PRPF18: variants seen among roughly 807,000 people sequenced by gnomAD.
PRPF18 encodes pre-mRNA processing factor 18, also known as pre-mRNA-splicing factor 18.
Under a neutral mutation model 46.5 loss-of-function variants are expected in PRPF18, and 38 were observed. The ratio of observed to expected loss-of-function variants is 0.82; its 90% CI spans 0.63 to 1.07. The LOEUF is 1.07. Among genes scored for constraint, PRPF18 ranks in the 50% least tolerant of loss-of-function variants. The pLI is 0.00. For missense variants in PRPF18, 263 were observed against 410.0 expected (o/e 0.64, Z 3.10); for synonymous variants, 152 against 146.7 (o/e 1.04, Z -0.26).
chr10:13,597,567 C>T (rs1287655229), intron 2 of PRPF18, 32 bp downstream of exon 2: 2 of 1,597,440 alleles, frequency 1.3e-6, no homozygotes, highest in East Asian at 2.2e-5. Context: ...TTAAATTGTA[C>T]ATTTCTGAGT....
At chr10:13,611,489 C>A in intron 5 of PRPF18, 126 bp from the exon 6 acceptor site, 1 of 725,158 alleles carries the variant, frequency 1.4e-6, no homozygotes. Flanking sequence ...GAAATTCCAT[C>A]CGATTTTTAA....
chr10:13,609,945 A>T (rs940353938), intron 4 of PRPF18, 94 bp from the exon 5 acceptor site: 1 of 1,345,032 alleles, frequency 7.4e-7, no homozygotes, highest in Non-Finnish European at 1.0e-6. Context: ...TGTGGGGGAA[A>T]AAATATTTGC....
At chr10:13,637,630 G>A in the PRPF18 span, among the ~76,000 whole-genome samples, 1 of 152,070 alleles carries the variant, frequency 6.6e-6, no homozygotes, top group Admixed American at 6.6e-5. Flanking sequence ...TTTGTGCCAG[G>A]TTACCTTTTA....
intron 5 of PRPF18, among the ~76,000 whole-genome samples, chr10:13,611,169 T>C (rs2080263086): frequency 6.6e-6 from 1 of 150,684 alleles, no homozygotes; most frequent in Admixed American, 6.6e-5. Flanking sequence ...ATAATTGGTA[T>C]GGGCAACCAG....
chr10:13,597,487 G>A lies in PRPF18; in HGVS notation c.96G>A (p.Glu32=). Residue 32 remains glutamate, a synonymous_variant, in exon 2 of 10, where the codon GAG becomes GAA. Coordinates refer to ENST00000378572, the MANE Select transcript of PRPF18 (RefSeq NM_003675.4). ...ATAAAAAATATTTCAAGCGTAGTGAGCTCGCCAAAAAAGAAGAGGAAGCAT... is the reference window on the plus strand; with the variant it reads ...ATAAAAAATATTTCAAGCGTAGTGAACTCGCCAAAAAAGAAGAGGAAGCAT... ...VENKKYFKRS[E]LAKKEEEAYF... 1 of 1,609,038 alleles carries A rather than the reference G, an allele frequency of 6.2e-7. No homozygotes were observed. Among genetic ancestry groups the A allele is most frequent in the Non-Finnish European group, 8.5e-7 (1 of 1,177,666 alleles).
the PRPF18 span, chr10:13,641,532 C>T: frequency 6.6e-6 from 1 of 152,030 alleles, no homozygotes; most frequent in Admixed American, 6.5e-5. Context: ...GAATAATTGT[C>T]AATAATAAAG....
rs528721137 is a variant in PRPF18, at chr10:13,622,902, A to G, written c.948+6349A>G. Among the ~76,000 whole-genome samples the G allele has an allele frequency of 1.3e-4, 20 of 152,286 alleles. No individual in the cohort carries two copies. The South Asian group carries it at 4.1e-3, about 32-fold the overall frequency. On this transcript the variant is annotated intron_variant, in intron 9 of 9. Coordinates refer to ENST00000378572, the MANE Select transcript of PRPF18 (RefSeq NM_003675.4). ...TCAGTTTTAACAATATATTTGTGTG[A>G]AAAGAGTTCCCACAGGCCGGGCACG... is the stretch of plus-strand genomic sequence containing the variant.
At chr10:13,649,076 A>G in the PRPF18 span, among the ~76,000 whole-genome samples, 1 of 152,378 alleles carries the variant, frequency 6.6e-6, no homozygotes, top group Non-Finnish European at 1.5e-5. Context: ...TAACATCCAC[A>G]GAACACACTT....
intron 3 of PRPF18, among the ~76,000 whole-genome samples, chr10:13,602,759 G>A (rs932998412): frequency 5.3e-5 from 8 of 152,134 alleles, no homozygotes; most frequent in African/African-American, 1.9e-4. Context: ...TTGAGACAAA[G>A]TCTCACTGTG....
At chr10:13,641,948 A>T in the PRPF18 span, 1 of 152,220 alleles carries the variant, frequency 6.6e-6, no homozygotes, top group Non-Finnish European at 1.5e-5. Context: ...TTTCTGATTT[A>T]AAAAATCAAT....
At chr10:13,594,780 T>A (rs1386169385) in intron 1 of PRPF18, among the ~76,000 whole-genome samples, 1 of 152,240 alleles carries the variant, frequency 6.6e-6, no homozygotes, top group African/African-American at 2.4e-5. Context: ...TCATCGGTGG[T>A]AAATACTATC....
At chr10:13,587,313 G>A in intron 1 of PRPF18, 161 bp downstream of exon 1, 1 of 731,450 alleles carries the variant, frequency 1.4e-6, no homozygotes, top group East Asian at 2.5e-5. Context: ...TCCAACCCTT[G>A]GCGTCTCACT....
chr10:13,600,032 G>T (rs1376280520), intron 2 of PRPF18, among the ~76,000 whole-genome samples: 1 of 152,190 alleles, frequency 6.6e-6, no homozygotes, highest in African/African-American at 2.4e-5. Context: ...TGATTCCTCT[G>T]TGCATGCTCT....
At chr10:13,597,755 C>A in intron 2 of PRPF18, 1 of 1,203,460 alleles carries the variant, frequency 8.3e-7, no homozygotes, top group Admixed American at 2.2e-5. Flanking sequence ...AATGGTTTGG[C>A]TTTTTGTGGA....
chr10:13,587,649 A>C (rs2079895695), intron 1 of PRPF18, among the ~76,000 whole-genome samples: 1 of 152,198 alleles, frequency 6.6e-6, no homozygotes, highest in Non-Finnish European at 1.5e-5. Flanking sequence ...GTCTTTAGCC[A>C]CAGACCGAAC....
chr10:13,597,696 T>G, intron 2 of PRPF18, 161 bp downstream of exon 2: 2 of 1,584,120 alleles, frequency 1.3e-6, no homozygotes, highest in South Asian at 2.3e-5. Context: ...TTTTGCATTT[T>G]TAAAAAAATC....
At position 13,627,475 on chromosome 10, in the gene PRPF18, T is replaced by C. The variant is rs944131660; in HGVS notation, c.949-2785T>C. Among the ~76,000 whole-genome samples the C allele has an allele frequency of 5.9e-5, 9 of 152,226 alleles. No homozygotes were observed. The South Asian group carries it at 1.4e-3, about 24-fold the overall frequency. ...TTTGCCATAAGCTAAGCTAAGCAGC[T>C]CATTGTTTTACTGGCTTAAGCATCC... On this transcript the variant is annotated intron_variant, in intron 9 of 9. Transcript: ENST00000378572.
At chr10:13,602,016 G>C (rs1273244587) in intron 3 of PRPF18, among the ~76,000 whole-genome samples, 4 of 152,102 alleles carry the variant, frequency 2.6e-5, no homozygotes, top group Non-Finnish European at 4.4e-5. Context: ...ATAATTTCTG[G>C]TCAGAGTGTG....
In PRPF18 at chr10:13,591,711, G is replaced by A. The variant is rs2079964419; in HGVS notation, c.66+4559G>A. ...TGGGATGTTTTGGGATTTTTACATC[G>A]CTGATAACAATTTTGGTTGAGGTGG... is the stretch of plus-strand genomic sequence containing the variant. On this transcript the variant is annotated intron_variant, in intron 1 of 9. Transcript: ENST00000378572. 2.6e-5 allele frequency: 22 copies of A among 852,254 alleles called. No homozygotes were observed. The South Asian group carries it at 3.1e-4, about 12-fold the overall frequency. 52.8% of individuals were successfully genotyped at this position (852,254 alleles called of 1,614,324 possible).
Sources: gnomAD v4.1 joint callset for allele counts (sites outside exome capture counted in the v4.1 genomes callset) on GRCh38, gnomAD v4.1.1 for gene constraint, MANE v1.5 for transcripts, NCBI Gene and HGNC (gene_info 2026-07-23, HGNC 2026-07-21) for gene names.